The following INVS variants were observed in gnomAD, a reference collection of about 807,000 sequenced individuals.
INVS encodes the protein inversin, also known as inversion of embryo turning homolog.
INVS carries 86 observed loss-of-function variants against 108.8 expected under a neutral mutation model. That is an observed-to-expected ratio of 0.79 (90% CI 0.66 to 0.95). INVS has a LOEUF of 0.95. Among genes scored for constraint, INVS ranks in the 40% least tolerant of loss-of-function variants. The probability of loss-of-function intolerance (pLI) is 0.00; values close to 1 mark genes in which losing one functional copy is unlikely to be tolerated. For missense variants in INVS, 1,169 were observed against 1,297.4 expected, an observed-to-expected ratio of 0.90 and a Z score of 1.52; for synonymous variants, 455 against 473.5, an observed-to-expected ratio of 0.96 and a Z score of 0.51.
At chr9:100,154,056 T>C (rs1828889428) in intron 3 of INVS, among the ~76,000 whole-genome samples, 1 of 152,266 alleles carries the variant, frequency 6.6e-6, no homozygotes, top group East Asian at 1.9e-4. Flanking sequence ...CTGTCACTTC[T>C]GGGAATCTAT....
At chr9:100,144,199 C>G (rs1228105342) in intron 3 of INVS, among the ~76,000 whole-genome samples, 3 of 152,080 alleles carry the variant, frequency 2.0e-5, no homozygotes, top group East Asian at 3.9e-4. Context: ...CTCCTGGCTG[C>G]TGTGGTTCAG....
chr9:100,201,770 T>C (rs1830539733), intron 3 of INVS, among the ~76,000 whole-genome samples: 1 of 152,250 alleles, frequency 6.6e-6, no homozygotes, highest in Admixed American at 6.5e-5. Flanking sequence ...TACCTGTTTA[T>C]AATTAGCAAT....
rs569966250 is a variant in INVS at position 100,100,998 on chromosome 9, A to G, written c.-25+1582A>G. Among the ~76,000 whole-genome samples the G allele has an allele frequency of 9.3e-4, 81 of 87,180 alleles. 8 individuals are homozygous for G. The highest frequency in any genetic ancestry group is 4.5e-3 in the African/African-American group (78 of 17,398). The allele number at this position is 87,180 out of a possible 152,430, so 57.2% of individuals were successfully genotyped here. On this transcript the variant is annotated intron_variant, in intron 1 of 16. Transcript: ENST00000262457. ...TTATATATATAATATATATGTATAT[A>G]TAATATATATATTATATGTATATAT...
intron 16 of INVS, among the ~76,000 whole-genome samples, chr9:100,299,581 C>T (rs1833895244): frequency 1.2e-5 from 1 of 85,104 alleles, no homozygotes; most frequent in South Asian, 6.2e-4. Flanking sequence ...CACACACACA[C>T]ACACACACAG....
At chr9:100,186,242 C>A (rs1016189320) in intron 3 of INVS, among the ~76,000 whole-genome samples, 8 of 152,080 alleles carry the variant, frequency 5.3e-5, no homozygotes, top group African/African-American at 1.7e-4. Flanking sequence ...CTTCACCTCC[C>A]GGGTTTTAAA....
intron 3 of INVS, among the ~76,000 whole-genome samples, chr9:100,190,046 T>G (rs1255862816): frequency 6.6e-6 from 1 of 152,220 alleles, no homozygotes; most frequent in Non-Finnish European, 1.5e-5. Flanking sequence ...TCTGTCCAAC[T>G]CTGGGAGCTC....
At chr9:100,130,562 T>C (rs1828025280) in intron 3 of INVS, 1 of 152,180 alleles carries the variant, frequency 6.6e-6, no homozygotes, top group Non-Finnish European at 1.5e-5. Flanking sequence ...TGTTAGCTTA[T>C]AGATGGATGC....
At position 100,230,749 on chromosome 9, in the gene INVS, C is replaced by T. The variant is rs1831485754; in HGVS notation, c.615+922C>T. Among the ~76,000 whole-genome samples, 6 of 152,232 alleles carry T rather than the reference C, an allele frequency of 3.9e-5. No individual in the cohort carries two copies. In the South Asian group the frequency reaches 1.2e-3, roughly 32 times the overall value. Reference sequence around the variant, plus strand: ...GGCAAGGATGGTCTCGACCTCTTGACCTCGTGATCTACCTGCCTCAGCCTC... The same window carrying T: ...GGCAAGGATGGTCTCGACCTCTTGATCTCGTGATCTACCTGCCTCAGCCTC... On this transcript the variant is annotated intron_variant, in intron 5 of 16. Transcript: ENST00000262457.
At chr9:100,291,768 G>A (rs556521582) in intron 13 of INVS, among the ~76,000 whole-genome samples, 3 of 152,114 alleles carry the variant, frequency 2.0e-5, no homozygotes, top group South Asian at 4.1e-4. Flanking sequence ...TCCAGAACCT[G>A]GGCTGAAACA....
chr9:100,244,249 C>T (rs1415992200), intron 7 of INVS, among the ~76,000 whole-genome samples: 1 of 152,062 alleles, frequency 6.6e-6, no homozygotes, highest in African/African-American at 2.4e-5. Flanking sequence ...CCTAACAAAG[C>T]AGTATTTTAG....
chr9:100,146,454 A>G (rs1046397723), intron 3 of INVS, among the ~76,000 whole-genome samples: 27 of 152,186 alleles, frequency 1.8e-4, no homozygotes, highest in African/African-American at 3.1e-4. Flanking sequence ...GGCAGGAACC[A>G]GCCATCTGGA....
chr9:100,191,923 C>G (rs1260909430), intron 3 of INVS, among the ~76,000 whole-genome samples: 1 of 152,030 alleles, frequency 6.6e-6, no homozygotes, highest in Non-Finnish European at 1.5e-5. Flanking sequence ...CAATTTGGCT[C>G]TTGATGATTT....
chr9:100,254,820 C>A (rs1169144610), intron 10 of INVS, among the ~76,000 whole-genome samples: 4 of 152,114 alleles, frequency 2.6e-5, no homozygotes, highest in Non-Finnish European at 5.9e-5. Flanking sequence ...GTTACTGTAG[C>A]CTTATAGTAC....
At position 100,117,268 on chromosome 9, in the gene INVS, G is replaced by A. The variant is rs1174545998; in HGVS notation, c.107-9115G>A. 31 of 757,342 alleles carry A rather than the reference G, an allele frequency of 4.1e-5. No homozygotes were observed. In the Admixed American group the frequency reaches 5.6e-4, roughly 14 times the overall value. The allele number at this position is 757,342 out of a possible 1,614,324, so 46.9% of individuals were successfully genotyped here. ...CGATAGCAACAAACGCTTTGAACCTGGTGCTCTGGCCAGCACGGGTCTGCT... is the reference window on the plus strand; with the variant it reads ...CGATAGCAACAAACGCTTTGAACCTAGTGCTCTGGCCAGCACGGGTCTGCT... On this transcript the variant is annotated intron_variant, in intron 2 of 16. Transcript: ENST00000262457.
At chr9:100,250,019 C>T (rs1211254563) in intron 8 of INVS, among the ~76,000 whole-genome samples, 4 of 151,812 alleles carry the variant, frequency 2.6e-5, no homozygotes, top group African/African-American at 4.8e-5. Context: ...GCAGAAGAAT[C>T]GTTTGAACCT....
intron 3 of INVS, among the ~76,000 whole-genome samples, chr9:100,150,564 G>A (rs535887411): frequency 6.6e-6 from 1 of 151,994 alleles, no homozygotes; most frequent in Non-Finnish European, 1.5e-5. Context: ...TCATTTAACC[G>A]TTTAAAAATT....
chr9:100,260,186 C>CTTTTTTTTTTT (rs372496395), intron 10 of INVS, among the ~76,000 whole-genome samples: 15 of 101,476 alleles, frequency 1.5e-4, no homozygotes, highest in East Asian at 2.8e-4. Context: ...ATTTTCTTTT[C>CTTTTTTTTTTT]TTTTTTTTTT....
chr9:100,146,819 G>T (rs1429490231), intron 3 of INVS, among the ~76,000 whole-genome samples: 2 of 152,168 alleles, frequency 1.3e-5, no homozygotes, highest in Non-Finnish European at 2.9e-5. Flanking sequence ...TCTGTTGTGT[G>T]TATATACCGC....
In INVS at chr9:100,100,692, A is replaced by ATATATACATATATAATATATATAT. The variant is rs1826841229; in HGVS notation, c.-25+1281_-25+1282insACATATATAATATATATATTATAT. Among the ~76,000 whole-genome samples the ATATATACATATATAATATATATAT allele has an allele frequency of 0.02, 33 of 1,680 alleles. 11 individuals carry two copies. In the East Asian group the frequency reaches 0.2, roughly 10 times the overall value. 1.1% of individuals were successfully genotyped at this position (1,680 alleles called of 152,430 possible). On this transcript the variant is annotated intron_variant, in intron 1 of 16. Transcript: ENST00000262457. ...TATATGTACATATAATATATATATT[A>ATATATACATATATAATATATATAT]TATATGTACATATAATATATATATT...
Sources: allele counts gnomAD v4.1 joint callset (sites outside exome capture counted in the v4.1 genomes callset), GRCh38; gene constraint gnomAD v4.1.1; transcripts MANE v1.5; gene names NCBI Gene and HGNC (gene_info 2026-07-23, HGNC 2026-07-21).